The following MYOM1 variants were observed in gnomAD, a reference collection of about 807,000 sequenced individuals.
MYOM1 encodes myomesin 1.
A neutral mutation model predicts 205.3 loss-of-function variants in MYOM1; 164 were observed. The ratio of observed to expected loss-of-function variants is 0.80; its 90% CI spans 0.70 to 0.91. The LOEUF is 0.91. Among genes scored for constraint, MYOM1 ranks in the 40% least tolerant of loss-of-function variants. The pLI is 0.00. For synonymous variants in MYOM1, 772 were observed against 789.4 expected, an observed-to-expected ratio of 0.98 and a Z score of 0.37; for missense variants, 2,011 against 2,127.3, an observed-to-expected ratio of 0.95 and a Z score of 1.08.
At chr18:3,162,921 G>C (rs187262625) in intron 10 of MYOM1, among the ~76,000 whole-genome samples, 46 of 152,208 alleles carry the variant, frequency 3.0e-4, no homozygotes, top group Admixed American at 8.5e-4. Flanking sequence ...AGCTACTCGG[G>C]AGGCTGACGC....
Position 3,189,004 on chromosome 18 carries a change from A to G in MYOM1, c.515T>C (p.Leu172Pro). Reference sequence around the variant, plus strand: ...TGTTGTGATTCCTTCCTCACTAGCAAGAAGATTCCTCTGGGCTATATAAGC... The same window carrying G: ...TGTTGTGATTCCTTCCTCACTAGCAGGAAGATTCCTCTGGGCTATATAAGC... ...AAAYIAQRNL[L>P]ASEEGITTSK... The change falls in exon 4 of 38, where the codon CTT becomes CCT. Residue 172 changes from leucine (L) to proline (P), a missense_variant. Transcript: ENST00000356443. The surrounding 1 kb of genome is among the most constrained non-coding windows in gnomAD (Gnocchi z 4.8). The G allele has an allele frequency of 6.2e-7, 1 of 1,613,608 alleles. No individual in the cohort carries two copies.
At chr18:3,114,722 T>C (rs1212063018) in intron 21 of MYOM1, among the ~76,000 whole-genome samples, 1 of 151,998 alleles carries the variant, frequency 6.6e-6, no homozygotes, top group Non-Finnish European at 1.5e-5. Context: ...GAATTTTTCA[T>C]TTAAATTGTT....
At chr18:3,113,105 A>G (rs12958176) in intron 21 of MYOM1, among the ~76,000 whole-genome samples, 118,653 of 133,200 alleles carry the variant, frequency 0.89, 53,818 homozygotes, top group East Asian at 0.98. Context: ...GTGCCACTAA[A>G]CTAGAATTAC....
intron 23 of MYOM1, 142 bp downstream of exon 23, chr18:3,102,332 G>C (rs1004039158): frequency 4.4e-6 from 4 of 906,570 alleles, no homozygotes; most frequent in Non-Finnish European, 6.5e-6. Flanking sequence ...GGTTTAAGTT[G>C]GTTATTATTT....
rs972434580 is a variant in MYOM1 at position 3,141,929 on chromosome 18, A to G, written c.2025+10T>C. 1 of 1,613,516 alleles carries G rather than the reference A, an allele frequency of 6.2e-7. No individual in the cohort carries two copies. Among genetic ancestry groups the G allele is most frequent in the Non-Finnish European group, 8.5e-7 (1 of 1,179,622 alleles). On this transcript the variant is annotated intron_variant, in intron 14 of 37. Transcript: ENST00000356443. ...GGTAGTATGAGGTCATGTTGATTCT[A>G]GAGTCTTACCTTTTCCACAAAGTAC...
chr18:3,087,207 T>C (rs1443616528), intron 29 of MYOM1, among the ~76,000 whole-genome samples: 1 of 152,184 alleles, frequency 6.6e-6, no homozygotes, highest in Admixed American at 6.5e-5. Context: ...TGGGCTTTGC[T>C]GAGTACATTG....
the MYOM1 span, among the ~76,000 whole-genome samples, chr18:3,239,088 A>G: frequency 6.6e-6 from 1 of 152,232 alleles, no homozygotes; most frequent in Non-Finnish European, 1.5e-5. Context: ...GAATTAGGAC[A>G]GGGATATCTT....
intron 33 of MYOM1, among the ~76,000 whole-genome samples, chr18:3,080,385 A>G (rs1280003235): frequency 1.3e-5 from 2 of 152,076 alleles, no homozygotes; most frequent in East Asian, 3.8e-4. Context: ...AGAAAAACAA[A>G]TTTTCTGGCT....
chr18:3,091,400 A>G (rs2079224856), intron 26 of MYOM1, among the ~76,000 whole-genome samples: 1 of 151,872 alleles, frequency 6.6e-6, no homozygotes, highest in South Asian at 2.1e-4. Context: ...GATCTCTTGA[A>G]CCCAGGAGGT....
chr18:3,141,881 C>A, intron 14 of MYOM1, 58 bp downstream of exon 14: 1 of 1,605,568 alleles, frequency 6.2e-7, no homozygotes, highest in South Asian at 1.1e-5. Flanking sequence ...TTAGCCTCCA[C>A]TTTTCTAAAG....
Position 3,176,093 on chromosome 18 carries a change from C to A in MYOM1, c.971G>T (p.Gly324Val). The A allele has an allele frequency of 6.2e-7, 1 of 1,608,650 alleles. No homozygotes were observed. The highest frequency in any genetic ancestry group is 8.5e-7 in the Non-Finnish European group (1 of 1,175,080). The change falls in exon 6 of 38, where the codon GGA (glycine) becomes GTA (valine). Residue 324 changes from glycine (G) to valine (V), a missense_variant. Coordinates refer to ENST00000356443, the MANE Select transcript of MYOM1 (RefSeq NM_003803.4). ...ATATCGACTCTCAATAATATACTTT[C>A]CAGGGTTTGCATGGACATTTATTGG... The part of the protein sequence containing the change: ...QVPINVHANP[G>V]KYIIESRYGM...
the MYOM1 span, among the ~76,000 whole-genome samples, chr18:3,240,399 G>T: frequency 6.6e-6 from 1 of 152,164 alleles, no homozygotes; most frequent in Admixed American, 6.5e-5. Context: ...TCTTTCCCGT[G>T]CTGTTCTCAT....
At position 3,194,084 on chromosome 18, in the gene MYOM1, T is replaced by C. The variant is rs564632233; in HGVS notation, c.291-126A>G. ...TCCTAGATCTCTAATGTTACAATTA[T>C]CTCTTATCTTTAGAATTAAAGTAGA... On this transcript the variant is annotated intron_variant, in intron 2 of 37. Coordinates refer to ENST00000356443, the MANE Select transcript of MYOM1 (RefSeq NM_003803.4). 40 of 925,618 alleles carry C rather than the reference T, an allele frequency of 4.3e-5. 1 individual carries two copies. In the South Asian group the frequency reaches 7.4e-4, roughly 17 times the overall value. The allele number at this position is 925,618 out of a possible 1,614,324, so 57.3% of individuals were successfully genotyped here.
At position 3,182,730 on chromosome 18, in the gene MYOM1, C is replaced by T. The variant is rs116595980; in HGVS notation, c.929+4750G>A. On this transcript the variant is annotated intron_variant, in intron 5 of 37. Transcript: ENST00000356443. ...AAACATAAATGCTTTTTTCTTCCCC[C>T]TTTAAACAGAAAGACTCTTATTATA... is the stretch of plus-strand genomic sequence containing the variant. Among the ~76,000 whole-genome samples, 536 of 152,122 alleles carry T rather than the reference C, an allele frequency of 3.5e-3. 2 individuals carry two copies. The highest frequency in any genetic ancestry group is 0.012 in the African/African-American group (514 of 41,536).
chr18:3,246,467 G>C, the MYOM1 span: 1 of 152,138 alleles, frequency 6.6e-6, no homozygotes, highest in East Asian at 1.9e-4. Context: ...TACCATCAAG[G>C]AAGTTTGGGA....
intron 5 of MYOM1, 138 bp from the exon 6 acceptor site, chr18:3,176,272 G>C (rs1302029535): frequency 1.7e-6 from 1 of 584,318 alleles, no homozygotes; most frequent in African/African-American, 1.9e-5. Flanking sequence ...TTAAATAAAT[G>C]TAAATCATAT....
At chr18:3,148,643 C>G (rs1329273826) in intron 13 of MYOM1, among the ~76,000 whole-genome samples, 3 of 151,774 alleles carry the variant, frequency 2.0e-5, no homozygotes, top group Non-Finnish European at 4.4e-5. Flanking sequence ...GTCAGGAGAT[C>G]GAGACCATCC....
intron 36 of MYOM1, among the ~76,000 whole-genome samples, chr18:3,074,979 G>C (rs144848382): frequency 0.019 from 2,922 of 152,208 alleles, 89 homozygotes; most frequent in African/African-American, 0.067. Flanking sequence ...TTTTTTAGTA[G>C]AGACGGGGTT....
rs192221087 is a variant in MYOM1, at chr18:3,146,491, C to T, written c.1900+2654G>A. ...TAATCTAAAATTAATCAATGTAATTCAACATGTTAATGGAAAAATAAAAAT... is the reference window on the plus strand; with the variant it reads ...TAATCTAAAATTAATCAATGTAATTTAACATGTTAATGGAAAAATAAAAAT... On this transcript the variant is annotated intron_variant, in intron 13 of 37. Transcript: ENST00000356443. Among the ~76,000 whole-genome samples, 32 of 152,122 alleles carry T rather than the reference C, an allele frequency of 2.1e-4. 1 individual carries two copies. In the East Asian group the frequency reaches 6.0e-3, roughly 28 times the overall value.
Sources: allele counts gnomAD v4.1 joint callset (sites outside exome capture counted in the v4.1 genomes callset), GRCh38; gene constraint gnomAD v4.1.1; non-coding constraint Gnocchi (gnomAD v3.1); transcripts MANE v1.5; gene names NCBI Gene and HGNC (gene_info 2026-07-23, HGNC 2026-07-21).